The following SERPINE2 variants were observed in gnomAD, a reference collection of about 807,000 sequenced individuals.
SERPINE2 encodes the protein serpin family E member 2.
In SERPINE2, 14 loss-of-function variants were observed where a neutral mutation model predicts 36.3. The observed-to-expected ratio is 0.39, with a 90% CI of 0.25 to 0.60. SERPINE2 has a LOEUF of 0.60. Ranked by LOEUF, SERPINE2 falls within the 20% of genes least tolerant of loss-of-function variation. The probability of loss-of-function intolerance (pLI) is 0.57; values close to 1 mark genes in which losing one functional copy is unlikely to be tolerated. For missense variants in SERPINE2, 418 were observed against 499.6 expected (o/e 0.84, Z 1.56); for synonymous variants, 192 against 191.8 (o/e 1.00, Z -0.01).
intron 8 of SERPINE2, among the ~76,000 whole-genome samples, chr2:223,976,630 C>G (rs866673890): frequency 6.6e-6 from 1 of 152,186 alleles, no homozygotes; most frequent in East Asian, 1.9e-4. Flanking sequence ...TATATTAGTG[C>G]CTACTCTTGT....
intron 7 of SERPINE2, chr2:223,979,533 T>C (rs1328652965): frequency 6.6e-6 from 1 of 152,234 alleles, no homozygotes; most frequent in African/African-American, 2.4e-5. Context: ...GATTTTCACT[T>C]TATGGGCTCA....
intron 1 of SERPINE2, among the ~76,000 whole-genome samples, chr2:224,002,408 G>A (rs1180312960): frequency 1.3e-5 from 2 of 152,112 alleles, no homozygotes; most frequent in Admixed American, 1.3e-4. Flanking sequence ...GGTGGGGAGG[G>A]AAAGGAAGCA....
At chr2:224,001,593 C>T in intron 2 of SERPINE2, 49 bp downstream of exon 2, 1 of 1,574,496 alleles carries the variant, frequency 6.4e-7, no homozygotes, top group Non-Finnish European at 8.6e-7. Flanking sequence ...CCTCCTGTCA[C>T]AAGACTCTCA....
chr2:223,991,377 G>A (rs1001678627), intron 4 of SERPINE2, among the ~76,000 whole-genome samples: 3 of 152,262 alleles, frequency 2.0e-5, no homozygotes, highest in South Asian at 4.1e-4. Flanking sequence ...CAAAGCCACC[G>A]AAGGATTTTA....
intron 1 of SERPINE2, among the ~76,000 whole-genome samples, chr2:224,033,596 T>C (rs772096575): frequency 2.0e-5 from 3 of 150,022 alleles, no homozygotes; most frequent in Non-Finnish European, 4.4e-5. Flanking sequence ...GTGCAGCCCA[T>C]ACCCTCTCCC....
chr2:224,015,355 T>TG (rs1474503964), intron 1 of SERPINE2, among the ~76,000 whole-genome samples: 47 of 152,218 alleles, frequency 3.1e-4, no homozygotes, highest in African/African-American at 1.1e-3. Context: ...GCCAGGGAAG[T>TG]GCTCCTGGGA....
At chr2:224,034,933 T>C (rs780692044) in intron 1 of SERPINE2, among the ~76,000 whole-genome samples, 16 of 152,214 alleles carry the variant, frequency 1.1e-4, no homozygotes, top group Non-Finnish European at 2.1e-4. Context: ...TACAACACTG[T>C]ATAAAGATAG....
intron 1 of SERPINE2, among the ~76,000 whole-genome samples, chr2:224,010,585 C>T (rs957928239): frequency 5.9e-5 from 9 of 152,250 alleles, no homozygotes; most frequent in East Asian, 3.9e-4. Context: ...TCTAAGTTTC[C>T]GGGAAAATTC....
chr2:223,992,784 C>T (rs906623207), intron 3 of SERPINE2, among the ~76,000 whole-genome samples: 1 of 152,094 alleles, frequency 6.6e-6, no homozygotes, highest in African/African-American at 2.4e-5. Context: ...TACCACTGTA[C>T]CCCATATATG....
At chr2:224,001,330 G>A (rs1026403289) in intron 2 of SERPINE2, among the ~76,000 whole-genome samples, 3 of 152,208 alleles carry the variant, frequency 2.0e-5, no homozygotes, top group African/African-American at 7.2e-5. Flanking sequence ...TCAACCCTGG[G>A]CGCCATGGAG....
intron 1 of SERPINE2, among the ~76,000 whole-genome samples, chr2:224,011,665 C>CT (rs901204155): frequency 6.6e-6 from 1 of 151,972 alleles, no homozygotes; most frequent in African/African-American, 2.4e-5. Flanking sequence ...TTTTAAAAAT[C>CT]TTTTTTAAAG....
At chr2:224,032,477 C>T (rs115161184) in intron 1 of SERPINE2, among the ~76,000 whole-genome samples, 4,561 of 152,152 alleles carry the variant, frequency 0.03, 181 homozygotes, top group African/African-American at 0.089. Context: ...CCCCAGGTTA[C>T]GAGTTCACAC....
chr2:223,994,704 G>A (rs556897040), intron 3 of SERPINE2, among the ~76,000 whole-genome samples: 2 of 152,314 alleles, frequency 1.3e-5, no homozygotes, highest in East Asian at 3.9e-4. Flanking sequence ...TGACCTAGTT[G>A]GTGAGGTCTG....
intron 1 of SERPINE2, among the ~76,000 whole-genome samples, chr2:224,008,287 T>C (rs1487482456): frequency 6.6e-6 from 1 of 152,258 alleles, no homozygotes; most frequent in African/African-American, 2.4e-5. Flanking sequence ...GTTATAATTC[T>C]AACTTTCCTC....
rs774985242 is a variant in SERPINE2 at position 224,001,902 on chromosome 2, G to A, written c.-2C>T. ...GAAGAGGGGGAGATGCCAGTTCATG[G>A]TTCCTTCCACCAAGGACGACCTGGA... On this transcript the variant is annotated 5_prime_UTR_variant, in exon 2 of 9. Transcript: ENST00000409304. The A allele has an allele frequency of 6.2e-7, 1 of 1,610,728 alleles. No homozygotes were observed. Among genetic ancestry groups the A allele is most frequent in the African/African-American group, 1.3e-5 (1 of 74,852 alleles).
intron 1 of SERPINE2, among the ~76,000 whole-genome samples, chr2:224,006,392 C>T (rs1226153089): frequency 4.6e-5 from 7 of 152,214 alleles, no homozygotes; most frequent in Non-Finnish European, 1.0e-4. Flanking sequence ...CAAGCCCGAG[C>T]CTCTGCTTCT....
intron 4 of SERPINE2, among the ~76,000 whole-genome samples, chr2:223,990,978 G>A (rs565021564): frequency 1.3e-5 from 2 of 152,142 alleles, no homozygotes; most frequent in African/African-American, 4.8e-5. Flanking sequence ...ACTCTATCTC[G>A]AAAAAGTTTT....
chr2:224,017,077 A>G (rs1400338790), intron 1 of SERPINE2, among the ~76,000 whole-genome samples: 1 of 152,210 alleles, frequency 6.6e-6, no homozygotes, highest in African/African-American at 2.4e-5. Context: ...AAGTCCATAC[A>G]TGTGATAAAA....
At chr2:224,035,805 C>T (rs1208906911) in intron 1 of SERPINE2, among the ~76,000 whole-genome samples, 1 of 152,170 alleles carries the variant, frequency 6.6e-6, no homozygotes, top group Non-Finnish European at 1.5e-5. Flanking sequence ...GGCACACCGG[C>T]CACCATTTTG....
Sources: allele counts gnomAD v4.1 joint callset (sites outside exome capture counted in the v4.1 genomes callset), GRCh38; gene constraint gnomAD v4.1.1; transcripts MANE v1.5; gene names NCBI Gene and HGNC (gene_info 2026-07-23, HGNC 2026-07-21).